Variants in ARHGAP28 observed in about 807,000 individuals in gnomAD.
The protein encoded by ARHGAP28 is rho GTPase-activating protein 28.
ARHGAP28 carries 56 observed loss-of-function variants against 90.7 expected under a neutral mutation model. The ratio of observed to expected loss-of-function variants is 0.62; its 90% CI spans 0.50 to 0.77. The LOEUF is 0.77. Among genes scored for constraint, ARHGAP28 ranks in the 30% least tolerant of loss-of-function variants. The pLI, the probability that ARHGAP28 is intolerant of heterozygous loss-of-function variation, is 0.00. For synonymous variants in ARHGAP28, 308 were observed against 323.3 expected (o/e 0.95, Z 0.51); for missense variants, 869 against 900.9 (o/e 0.96, Z 0.45).
intron 4 of ARHGAP28, among the ~76,000 whole-genome samples, chr18:6,853,659 G>C (rs933164660): frequency 4.6e-5 from 7 of 152,060 alleles, no homozygotes; most frequent in African/African-American, 1.7e-4. Context: ...ATTTTTAGTA[G>C]AGACAGGGTT....
chr18:6,739,878 G>GTTTTTT, intron 1 of ARHGAP28, among the ~76,000 whole-genome samples: 1 of 145,884 alleles, frequency 6.9e-6, no homozygotes, highest in Non-Finnish European at 1.5e-5. Context: ...TTTTGAGACG[G>GTTTTTT]AGTTTCACTC....
intron 1 of ARHGAP28, among the ~76,000 whole-genome samples, chr18:6,749,137 G>C (rs907279055): frequency 6.6e-6 from 1 of 152,146 alleles, no homozygotes; most frequent in South Asian, 2.1e-4. Context: ...AAAAATGTTT[G>C]AGCTAAAAGT....
chr18:6,831,824 G>A lies in ARHGAP28; in HGVS notation c.326-5373G>A, dbSNP rs576830614. Among the ~76,000 whole-genome samples the A allele has an allele frequency of 4.4e-4, 67 of 152,204 alleles. 1 individual carries two copies. In the South Asian group the frequency reaches 7.0e-3, roughly 16 times the overall value. On this transcript the variant is annotated intron_variant, in intron 2 of 17. Transcript: ENST00000383472. ...TCATGTTCCCAGTTTTACAGGGAAC[G>A]GGTTCAGTACTCACCATTAAACATG...
intron 7 of ARHGAP28, 81 bp from the exon 8 acceptor site, chr18:6,873,326 TAG>T: frequency 8.5e-7 from 1 of 1,175,976 alleles, no homozygotes; most frequent in South Asian, 1.5e-5. Flanking sequence ...TGCATAGATT[TAG>T]AGTGTCCAGG....
intron 1 of ARHGAP28, among the ~76,000 whole-genome samples, chr18:6,741,647 C>T (rs536933838): frequency 6.6e-6 from 1 of 151,134 alleles, no homozygotes; most frequent in South Asian, 2.1e-4. Context: ...AAAAATAGCA[C>T]CAATTCTCTT....
intron 3 of ARHGAP28, chr18:6,850,783 G>C: frequency 6.6e-7 from 1 of 1,510,874 alleles, no homozygotes; most frequent in Non-Finnish European, 8.8e-7. Context: ...AAAGAAAGTG[G>C]GTTTTGGCAG....
At chr18:6,860,039 G>A (rs2056985829) in intron 5 of ARHGAP28, 142 bp downstream of exon 5, 1 of 692,306 alleles carries the variant, frequency 1.4e-6, no homozygotes, top group Non-Finnish European at 2.4e-6. Flanking sequence ...ACAGCTGCTG[G>A]TAGAACTACT....
chr18:6,795,388 T>TAGG (rs2056434726), intron 1 of ARHGAP28, among the ~76,000 whole-genome samples: 1 of 152,022 alleles, frequency 6.6e-6, no homozygotes, highest in Non-Finnish European at 1.5e-5. Flanking sequence ...TGTGTTCCCC[T>TAGG]AGGCTGGGGA....
chr18:6,734,194 C>G (rs773585638), intron 1 of ARHGAP28, among the ~76,000 whole-genome samples: 5 of 152,176 alleles, frequency 3.3e-5, no homozygotes, highest in African/African-American at 4.8e-5. Context: ...GGCTAAGCTT[C>G]TATTCAGAAT....
At chr18:6,817,150 C>G (rs891129678) in intron 1 of ARHGAP28, among the ~76,000 whole-genome samples, 1 of 150,704 alleles carries the variant, frequency 6.6e-6, no homozygotes, top group Non-Finnish European at 1.5e-5. Context: ...CCCGTCTCTA[C>G]TAAAAAAACA....
At chr18:6,896,931 A>T (rs2057308739) in intron 16 of ARHGAP28, 1 of 190,558 alleles carries the variant, frequency 5.2e-6, no homozygotes, top group African/African-American at 2.6e-5. Context: ...TTATTTTTTG[A>T]GATGGAGTTT....
intron 2 of ARHGAP28, among the ~76,000 whole-genome samples, chr18:6,826,260 CTGTT>C (rs775432326): frequency 2.7e-4 from 41 of 151,542 alleles, no homozygotes; most frequent in African/African-American, 8.5e-4. Flanking sequence ...TATTTGTTGT[CTGTT>C]TGTATGTCTT....
chr18:6,855,233 G>T (rs2056943475), intron 4 of ARHGAP28, among the ~76,000 whole-genome samples: 1 of 152,230 alleles, frequency 6.6e-6, no homozygotes, highest in South Asian at 2.1e-4. Context: ...TCTGGGTGAA[G>T]TCTGCTGACC....
chr18:6,762,682 G>A (rs2056171277), intron 1 of ARHGAP28, among the ~76,000 whole-genome samples: 1 of 151,914 alleles, frequency 6.6e-6, no homozygotes, highest in African/African-American at 2.4e-5. Context: ...ATCCCATACT[G>A]GTGTCCTTAC....
Position 6,912,362 on chromosome 18 carries a change from A to G in ARHGAP28, c.*208A>G, listed in dbSNP as rs1374676741. The G allele has an allele frequency of 1.2e-5, 4 of 345,412 alleles. No homozygotes were observed. Among genetic ancestry groups the G allele is most frequent in the African/African-American group, 8.4e-5 (4 of 47,488 alleles). 21.4% of individuals were successfully genotyped at this position (345,412 alleles called of 1,614,324 possible). On this transcript the variant is annotated 3_prime_UTR_variant, in exon 18 of 18. Transcript: ENST00000383472. ...AAGCTTTCTCATGACTTTTTTTTTT[A>G]TAAAAGTAAAGGAAAGATGATGTGG...
chr18:6,832,690 G>A (rs1421780018), intron 2 of ARHGAP28, among the ~76,000 whole-genome samples: 1 of 151,938 alleles, frequency 6.6e-6, no homozygotes, highest in Non-Finnish European at 1.5e-5. Context: ...CTTGAAGTCT[G>A]CTTCGTCTAA....
chr18:6,768,209 A>G (rs781171724), intron 1 of ARHGAP28, among the ~76,000 whole-genome samples: 1 of 151,966 alleles, frequency 6.6e-6, no homozygotes, highest in Non-Finnish European at 1.5e-5. Flanking sequence ...ATAGTTGAGC[A>G]TATTTATGAT....
intron 4 of ARHGAP28, among the ~76,000 whole-genome samples, chr18:6,858,433 T>A (rs1339194817): frequency 6.6e-6 from 1 of 152,214 alleles, no homozygotes; most frequent in Non-Finnish European, 1.5e-5. Context: ...TTCGTTGGTT[T>A]CCAGTGCTAT....
intron 16 of ARHGAP28, chr18:6,898,728 C>T: frequency 7.6e-7 from 1 of 1,316,738 alleles, no homozygotes; most frequent in Non-Finnish European, 9.7e-7. Flanking sequence ...CTAATGACTG[C>T]AGAGAGACTC....
Sources: allele counts gnomAD v4.1 joint callset (sites outside exome capture counted in the v4.1 genomes callset), GRCh38; gene constraint gnomAD v4.1.1; transcripts MANE v1.5; gene names NCBI Gene and HGNC (gene_info 2026-07-23, HGNC 2026-07-21).